Variants in WDR70 observed in about 807,000 individuals in gnomAD.
WDR70 encodes the protein WD repeat domain 70.
A neutral mutation model predicts 88.6 loss-of-function variants in WDR70; 53 were observed. The observed-to-expected ratio is 0.60, with a 90% CI of 0.48 to 0.75. WDR70 has a LOEUF of 0.75. Among genes scored for constraint, WDR70 ranks in the 30% least tolerant of loss-of-function variants. The probability of loss-of-function intolerance (pLI) is 0.00; values close to 1 mark genes in which losing one functional copy is unlikely to be tolerated. For synonymous variants in WDR70, 280 were observed against 270.0 expected (o/e 1.04, Z -0.36); for missense variants, 610 against 823.2 (o/e 0.74, Z 3.17).
chr5:37,534,481 C>G (rs1368992382), intron 9 of WDR70, among the ~76,000 whole-genome samples: 2 of 147,834 alleles, frequency 1.4e-5, no homozygotes, highest in East Asian at 4.0e-4. Flanking sequence ...TTTTTCCCCC[C>G]ATACTGTACA....
At chr5:37,698,237 A>G (rs1747039563) in intron 11 of WDR70, among the ~76,000 whole-genome samples, 1 of 152,210 alleles carries the variant, frequency 6.6e-6, no homozygotes, top group Non-Finnish European at 1.5e-5. Context: ...CTATATGATC[A>G]TATTGTAAGT....
chr5:37,553,160 G>A (rs533560115), intron 9 of WDR70, among the ~76,000 whole-genome samples: 29 of 152,300 alleles, frequency 1.9e-4, no homozygotes, highest in African/African-American at 6.5e-4. Flanking sequence ...TAGTTGGTGT[G>A]GGGGAAGAAA....
At chr5:37,697,256 G>A (rs1561077656) in intron 10 of WDR70, among the ~76,000 whole-genome samples, 1 of 152,146 alleles carries the variant, frequency 6.6e-6, no homozygotes, top group East Asian at 1.9e-4. Flanking sequence ...TAAATATTTT[G>A]GGGTAAATAA....
chr5:37,581,800 G>C (rs1743223193), intron 9 of WDR70, among the ~76,000 whole-genome samples: 1 of 152,130 alleles, frequency 6.6e-6, no homozygotes, highest in African/African-American at 2.4e-5. Context: ...TCTAGAGGTG[G>C]ACAGCAGAGA....
At chr5:37,584,977 A>G (rs1052025871) in intron 9 of WDR70, among the ~76,000 whole-genome samples, 2 of 141,060 alleles carry the variant, frequency 1.4e-5, no homozygotes, top group Admixed American at 7.8e-5. Flanking sequence ...GTAGTTACAG[A>G]CATACTAGAT....
intron 5 of WDR70, among the ~76,000 whole-genome samples, chr5:37,430,472 C>T (rs376233185): frequency 3.9e-5 from 6 of 152,142 alleles, no homozygotes; most frequent in East Asian, 3.8e-4. Flanking sequence ...GTATTGAATG[C>T]GTTTTCCACA....
intron 8 of WDR70, among the ~76,000 whole-genome samples, chr5:37,482,418 C>T (rs554614655): frequency 1.3e-5 from 2 of 152,306 alleles, no homozygotes; most frequent in African/African-American, 4.8e-5. Flanking sequence ...AAAAGCATGT[C>T]TCACATAGCA....
In WDR70 at chr5:37,415,871, C is replaced by T. The variant is rs529499736; in HGVS notation, c.492+19301C>T. The stretch of plus-strand genomic sequence containing the variant: ...GCAGAGGCGCTCCTCACATCCCAGA[C>T]GGGGCGGCGGGGCAGAGACGCTCCC... On this transcript the variant is annotated intron_variant, in intron 5 of 17. Coordinates refer to ENST00000265107, the MANE Select transcript of WDR70 (RefSeq NM_018034.4). Among the ~76,000 whole-genome samples the T allele has an allele frequency of 2.9e-3, 419 of 146,796 alleles. 2 individuals are homozygous for T. The highest frequency in any genetic ancestry group is 0.01 in the African/African-American group (407 of 39,294).
intron 10 of WDR70, among the ~76,000 whole-genome samples, chr5:37,696,125 T>C (rs918043919): frequency 6.6e-6 from 1 of 152,178 alleles, no homozygotes; most frequent in Non-Finnish European, 1.5e-5. Flanking sequence ...AGAAGCTATG[T>C]TTATCTGGGC....
intron 7 of WDR70, among the ~76,000 whole-genome samples, chr5:37,443,582 G>T (rs1307325495): frequency 6.6e-6 from 1 of 152,190 alleles, no homozygotes; most frequent in African/African-American, 2.4e-5. Flanking sequence ...GCTGGGCGCG[G>T]TGGCTCACAC....
At chr5:37,574,807 G>A (rs73749069) in intron 9 of WDR70, among the ~76,000 whole-genome samples, 2,322 of 152,242 alleles carry the variant, frequency 0.015, 53 homozygotes, top group African/African-American at 0.053. Context: ...CTAGACCAGA[G>A]ATGTGAGAGT....
intron 10 of WDR70, 121 bp from the exon 11 acceptor site, chr5:37,697,534 T>C (rs1347838724): frequency 2.9e-6 from 2 of 691,248 alleles, no homozygotes; most frequent in African/African-American, 1.8e-5. Context: ...CATGTGAAAT[T>C]AGTACTTTGC....
intron 9 of WDR70, among the ~76,000 whole-genome samples, chr5:37,569,771 A>G (rs971813822): frequency 6.6e-6 from 1 of 152,202 alleles, no homozygotes; most frequent in Non-Finnish European, 1.5e-5. Flanking sequence ...TTCTAATGAT[A>G]GGAACACATA....
intron 9 of WDR70, among the ~76,000 whole-genome samples, chr5:37,599,945 A>G (rs1743817770): frequency 6.6e-6 from 1 of 152,074 alleles, no homozygotes; most frequent in Admixed American, 6.6e-5. Context: ...CCATATAAAA[A>G]TTAACTCAAA....
chr5:37,475,834 G>C (rs1184417958), intron 7 of WDR70, among the ~76,000 whole-genome samples: 2 of 136,644 alleles, frequency 1.5e-5, no homozygotes, highest in African/African-American at 5.5e-5. Flanking sequence ...CTTGTCTTTT[G>C]CATTACATAT....
intron 10 of WDR70, among the ~76,000 whole-genome samples, chr5:37,618,164 A>C (rs1237602317): frequency 6.6e-6 from 1 of 152,214 alleles, no homozygotes; most frequent in African/African-American, 2.4e-5. Flanking sequence ...CAAAAACTTC[A>C]GTTTAAAATA....
intron 3 of WDR70, among the ~76,000 whole-genome samples, chr5:37,383,775 G>A (rs979618003): frequency 3.3e-5 from 5 of 151,566 alleles, no homozygotes; most frequent in African/African-American, 9.7e-5. Context: ...AGTAGAGATG[G>A]GGTTTCACCG....
intron 9 of WDR70, among the ~76,000 whole-genome samples, chr5:37,529,470 A>G (rs1355889809): frequency 6.6e-6 from 1 of 152,044 alleles, no homozygotes; most frequent in African/African-American, 2.4e-5. Context: ...GAGTGTTTCA[A>G]TTTGTTTGTG....
intron 10 of WDR70, among the ~76,000 whole-genome samples, chr5:37,684,420 G>A (rs1348260582): frequency 2.6e-5 from 4 of 152,178 alleles, no homozygotes; most frequent in Admixed American, 2.0e-4. Context: ...TCTCATTTTT[G>A]TGGGCTGATG....
Sources: allele counts gnomAD v4.1 joint callset (sites outside exome capture counted in the v4.1 genomes callset), GRCh38; gene constraint gnomAD v4.1.1; transcripts MANE v1.5; gene names NCBI Gene and HGNC (gene_info 2026-07-23, HGNC 2026-07-21).